Variants in KCNAB2 observed in about 807,000 individuals in gnomAD.
The protein encoded by KCNAB2 is potassium voltage-gated channel subfamily A regulatory beta subunit 2.
Under a neutral mutation model 63.6 loss-of-function variants are expected in KCNAB2, and 29 were observed. The observed-to-expected ratio is 0.46, with a 90% CI of 0.34 to 0.62. The LOEUF (loss-of-function observed/expected upper bound fraction) is 0.62, where lower values mean the gene tolerates loss of function less well. Among genes scored for constraint, KCNAB2 ranks in the 20% least tolerant of loss-of-function variants. The pLI, the probability that KCNAB2 is intolerant of heterozygous loss-of-function variation, is 0.01. For synonymous variants in KCNAB2, 222 were observed against 224.2 expected (o/e 0.99, Z 0.09); for missense variants, 359 against 563.9 (o/e 0.64, Z 3.68).
chr1:6,091,880 T>C (rs1454071798), intron 10 of KCNAB2, among the ~76,000 whole-genome samples: 1 of 152,158 alleles, frequency 6.6e-6, no homozygotes, highest in South Asian at 2.1e-4. Flanking sequence ...AAGCGCTCCA[T>C]CAACGTGGAA....
chr1:6,057,580 T>C (rs1200750624), intron 2 of KCNAB2, among the ~76,000 whole-genome samples: 1 of 152,218 alleles, frequency 6.6e-6, no homozygotes, highest in Non-Finnish European at 1.5e-5. Context: ...CCTGTTTTAC[T>C]TTCCTGAGGC....
intron 1 of KCNAB2, among the ~76,000 whole-genome samples, chr1:6,005,678 G>A (rs548329366): frequency 9.2e-5 from 14 of 152,080 alleles, no homozygotes; most frequent in Admixed American, 3.3e-4. Context: ...GGGGAGGCAC[G>A]GAAGCCCAGG....
At position 6,073,957 on chromosome 1, in the gene KCNAB2, G is replaced by C; in HGVS notation, c.300+187G>C. The stretch of plus-strand genomic sequence containing the variant: ...TAGAAAGGTGAGCCAGGTGGCCATG[G>C]CCAGAGGGGATGCCGAGTCTGGTGC... On this transcript the variant is annotated intron_variant, in intron 4 of 15. Coordinates refer to ENST00000378083, the MANE Select transcript of KCNAB2 (RefSeq NM_001199862.2). The surrounding 1 kb of genome is among the most constrained non-coding windows in gnomAD (Gnocchi z 5.7). 1.6e-6 allele frequency: 1 copy of C among 614,948 alleles called. No homozygotes were observed. The highest frequency in any genetic ancestry group is 1.9e-5 in the South Asian group (1 of 52,596). The allele number at this position is 614,948 out of a possible 1,614,324, so 38.1% of individuals were successfully genotyped here. A position where few individuals can be genotyped will look rare whatever the true frequency, so the allele number is the denominator to read the frequency against.
At chr1:6,063,030 A>ATT (rs199732854) in intron 2 of KCNAB2, among the ~76,000 whole-genome samples, 19 of 137,798 alleles carry the variant, frequency 1.4e-4, no homozygotes, top group South Asian at 4.7e-4. Flanking sequence ...GCCTATTTGG[A>ATT]TTTTTTTTTT....
At chr1:6,053,027 C>T (rs551867149) in intron 2 of KCNAB2, among the ~76,000 whole-genome samples, 10 of 152,090 alleles carry the variant, frequency 6.6e-5, no homozygotes, top group African/African-American at 2.4e-4. Flanking sequence ...CTGTGGACGG[C>T]GTGTTTGGTC....
intron 6 of KCNAB2, 28 bp downstream of exon 6, chr1:6,085,276 C>T (rs1664600573): frequency 1.9e-6 from 3 of 1,609,332 alleles, no homozygotes; most frequent in Admixed American, 1.7e-5. Flanking sequence ...TGCGGCCTGT[C>T]CCTGGGGTGG....
rs12122312 is a variant in KCNAB2 at position 6,003,761 on chromosome 1, C to T, written c.-53+10973C>T. On this transcript the variant is annotated intron_variant, in intron 1 of 16. Transcript: ENST00000341524. This position sits in a 1 kb window ranked among gnomAD's most constrained non-coding sequence, Gnocchi z 4.1. ...CCACGTCTCCTCGTCGTCGTTTCAC[C>T]GCAACCTCGCCAGCAATGAGTATTT... 0.13 allele frequency among the ~76,000 whole-genome samples: 20,352 copies of T among 152,212 alleles called. 1,476 individuals are homozygous for T. Among genetic ancestry groups the T allele is most frequent in the Non-Finnish European group, 0.15 (10,321 of 68,004 alleles).
intron 2 of KCNAB2, among the ~76,000 whole-genome samples, chr1:6,059,634 A>AGG (rs3838290): frequency 0.3 from 44,825 of 151,906 alleles, 7,262 homozygotes; most frequent in African/African-American, 0.43. Context: ...TACGTCTCAA[A>AGG]GGGTGCTTCT....
intron 15 of KCNAB2, chr1:6,097,765 G>C: frequency 2.3e-6 from 1 of 425,830 alleles, no homozygotes; most frequent in Non-Finnish European, 4.2e-6. Context: ...CCAGCAGGAA[G>C]AGTTGATGCA....
intron 1 of KCNAB2, among the ~76,000 whole-genome samples, chr1:6,013,134 G>A (rs146354704): frequency 6.6e-6 from 1 of 152,272 alleles, no homozygotes; most frequent in Non-Finnish European, 1.5e-5. Flanking sequence ...AAAGCTGCTT[G>A]TTCAGAGCGG....
intron 2 of KCNAB2, among the ~76,000 whole-genome samples, chr1:6,059,197 G>GT (rs1243768676): frequency 2.7e-5 from 4 of 150,780 alleles, no homozygotes; most frequent in Non-Finnish European, 4.4e-5. Context: ...GTTTTTTGTT[G>GT]TTTTTTGTGT....
intron 15 of KCNAB2, 103 bp from the exon 16 acceptor site, chr1:6,098,382 G>C: frequency 6.5e-7 from 1 of 1,541,232 alleles, no homozygotes; most frequent in Non-Finnish European, 8.8e-7. Flanking sequence ...GGGCAACCCG[G>C]GCCTGGCCAG....
At chr1:6,019,100 T>C (rs1251891760) in intron 1 of KCNAB2, among the ~76,000 whole-genome samples, 1 of 152,168 alleles carries the variant, frequency 6.6e-6, no homozygotes, top group Non-Finnish European at 1.5e-5. Flanking sequence ...GAGACCAGCC[T>C]GGGCAACATA....
At chr1:6,051,970 G>A (rs1661435272) in intron 2 of KCNAB2, among the ~76,000 whole-genome samples, 1 of 152,018 alleles carries the variant, frequency 6.6e-6, no homozygotes, top group Non-Finnish European at 1.5e-5. Context: ...GGCATAGTGG[G>A]GCGCACCTGT....
At chr1:6,062,007 C>G (rs1351765749) in intron 2 of KCNAB2, among the ~76,000 whole-genome samples, 1 of 152,070 alleles carries the variant, frequency 6.6e-6, no homozygotes, top group Non-Finnish European at 1.5e-5. Flanking sequence ...AATAAACCCA[C>G]TGATTGCTTA....
chr1:5,996,564 C>T (rs1437137863), intron 1 of KCNAB2, among the ~76,000 whole-genome samples: 1 of 152,272 alleles, frequency 6.6e-6, no homozygotes. Context: ...CATGCCCACC[C>T]TGCCGGCTTC....
At chr1:6,050,846 C>T (rs1661321003) in intron 1 of KCNAB2, among the ~76,000 whole-genome samples, 1 of 152,192 alleles carries the variant, frequency 6.6e-6, no homozygotes. Flanking sequence ...TTTTCTTTTG[C>T]AAAAAGCATG....
chr1:6,039,075 C>G (rs779831587), intron 1 of KCNAB2, among the ~76,000 whole-genome samples: 2 of 152,232 alleles, frequency 1.3e-5, no homozygotes, highest in African/African-American at 4.8e-5. Context: ...CGTGTGCAGG[C>G]AGCAAGGGCG....
intron 5 of KCNAB2, 121 bp from the exon 6 acceptor site, chr1:6,085,083 G>A (rs1237848672): frequency 2.0e-6 from 2 of 1,019,440 alleles, no homozygotes; most frequent in East Asian, 4.8e-5. Context: ...GGTGTTAACA[G>A]CCTGGCTCTC....
Sources: allele counts gnomAD v4.1 joint callset (sites outside exome capture counted in the v4.1 genomes callset), GRCh38; gene constraint gnomAD v4.1.1; non-coding constraint Gnocchi (gnomAD v3.1); transcripts MANE v1.5; gene names NCBI Gene and HGNC (gene_info 2026-07-23, HGNC 2026-07-21).